UBASH3B: variants seen among roughly 807,000 people sequenced by gnomAD.
The protein encoded by UBASH3B is ubiquitin-associated and SH3 domain-containing protein B.
UBASH3B carries 37 observed loss-of-function variants against 83.4 expected under a neutral mutation model. The ratio of observed to expected loss-of-function variants is 0.44; its 90% CI spans 0.34 to 0.58. The LOEUF is 0.58. Among genes scored for constraint, UBASH3B ranks in the 20% least tolerant of loss-of-function variants. UBASH3B has a pLI of 0.01. For missense variants in UBASH3B, 657 were observed against 827.2 expected (o/e 0.79, Z 2.52); for synonymous variants, 304 against 318.3 (o/e 0.96, Z 0.48).
intron 5 of UBASH3B, among the ~76,000 whole-genome samples, chr11:122,783,556 G>A (rs1860895538): frequency 6.6e-6 from 1 of 152,074 alleles, no homozygotes; most frequent in African/African-American, 2.4e-5. Flanking sequence ...ATAAATTTAT[G>A]GTGTTAATGG....
intron 1 of UBASH3B, among the ~76,000 whole-genome samples, chr11:122,745,599 C>T (rs543015174): frequency 1.6e-4 from 24 of 152,322 alleles, no homozygotes; most frequent in African/African-American, 5.3e-4. Flanking sequence ...ATCAATATGC[C>T]TTTCTTCCTT....
intron 7 of UBASH3B, 132 bp downstream of exon 7, chr11:122,794,966 T>A: frequency 7.7e-7 from 1 of 1,304,140 alleles, no homozygotes; most frequent in Non-Finnish European, 1.1e-6. Context: ...GTACACCAAA[T>A]TATAAAAGAT....
chr11:122,679,991 C>T (rs900191083), intron 1 of UBASH3B, among the ~76,000 whole-genome samples: 5 of 151,980 alleles, frequency 3.3e-5, no homozygotes, highest in Admixed American at 1.3e-4. Flanking sequence ...CCACCACAGC[C>T]GGCTAATTTT....
rs533449306 is a variant in UBASH3B at position 122,803,917 on chromosome 11, G to A, written c.1596-2493G>A. Reference sequence around the variant, plus strand: ...CTGCAGGTGTGGCTAGCAGCATGACGTGACCTGCTGACAAGGGTGAGGAAG... The same window carrying A: ...CTGCAGGTGTGGCTAGCAGCATGACATGACCTGCTGACAAGGGTGAGGAAG... On this transcript the variant is annotated intron_variant, in intron 11 of 13. Transcript: ENST00000284273. Among the ~76,000 whole-genome samples, 21 of 152,080 alleles carry A rather than the reference G, an allele frequency of 1.4e-4. No homozygotes were observed. In the South Asian group the frequency reaches 3.4e-3, roughly 25 times the overall value.
At chr11:122,683,578 C>T (rs59491152) in intron 1 of UBASH3B, among the ~76,000 whole-genome samples, 103,670 of 149,612 alleles carry the variant, frequency 0.69, 39,158 homozygotes, top group Admixed American at 0.83. Flanking sequence ...GCCCTTCAGC[C>T]TGGGGGACAG....
chr11:122,755,399 C>T (rs945022181), intron 1 of UBASH3B, among the ~76,000 whole-genome samples: 1 of 152,064 alleles, frequency 6.6e-6, no homozygotes, highest in African/African-American at 2.4e-5. Context: ...TTTCTTCTAT[C>T]TTATGGAAAG....
intron 1 of UBASH3B, among the ~76,000 whole-genome samples, chr11:122,714,948 G>C (rs1465992966): frequency 6.6e-6 from 1 of 152,120 alleles, no homozygotes; most frequent in East Asian, 1.9e-4. Flanking sequence ...TTTTGTTGTT[G>C]TTCTTGTTGT....
intron 1 of UBASH3B, among the ~76,000 whole-genome samples, chr11:122,675,304 G>C (rs1258137581): frequency 6.6e-6 from 1 of 152,236 alleles, no homozygotes; most frequent in South Asian, 2.1e-4. Context: ...TGTGTTTAGA[G>C]ACCACATTGC....
chr11:122,692,520 G>C (rs576531576), intron 1 of UBASH3B, among the ~76,000 whole-genome samples: 64 of 152,304 alleles, frequency 4.2e-4, no homozygotes, highest in African/African-American at 1.5e-3. Context: ...TGATATTCAG[G>C]GGGTATGGTG....
intron 1 of UBASH3B, among the ~76,000 whole-genome samples, chr11:122,723,843 G>A (rs1445119358): frequency 4.6e-5 from 7 of 152,236 alleles, no homozygotes; most frequent in Non-Finnish European, 8.8e-5. Flanking sequence ...GGTGGCCCTG[G>A]GGGTGGCTAT....
chr11:122,680,236 G>C (rs1050018492), intron 1 of UBASH3B, among the ~76,000 whole-genome samples: 2 of 152,198 alleles, frequency 1.3e-5, no homozygotes, highest in African/African-American at 4.8e-5. Context: ...GCTGGCTCTT[G>C]ATCTGTGGGT....
At position 122,788,528 on chromosome 11, in the gene UBASH3B, C is replaced by T. The variant is rs141866872; in HGVS notation, c.772-572C>T. 1.9e-4 allele frequency among the ~76,000 whole-genome samples: 29 copies of T among 152,236 alleles called. 1 individual carries two copies. In the East Asian group the frequency reaches 5.4e-3, roughly 28 times the overall value. On this transcript the variant is annotated intron_variant, in intron 5 of 13. Transcript: ENST00000284273. ...AGGCTACAGTGTGCTGAGATCATGC[C>T]ATTGCACTCCAGCCTGGGCAACAAG...
chr11:122,774,951 A>G (rs1860708008), intron 1 of UBASH3B, among the ~76,000 whole-genome samples: 1 of 152,078 alleles, frequency 6.6e-6, no homozygotes. Flanking sequence ...CCCTCAGACC[A>G]GGTTAGATCT....
intron 1 of UBASH3B, among the ~76,000 whole-genome samples, chr11:122,722,000 C>A (rs1275937710): frequency 6.6e-6 from 1 of 152,216 alleles, no homozygotes; most frequent in Non-Finnish European, 1.5e-5. Context: ...ATGTTCATAT[C>A]TGTGGTATAA....
chr11:122,694,077 T>G (rs1863930569), intron 1 of UBASH3B, among the ~76,000 whole-genome samples: 1 of 152,176 alleles, frequency 6.6e-6, no homozygotes, highest in East Asian at 1.9e-4. Flanking sequence ...TTGGGTGATA[T>G]GTAGACGTGA....
intron 1 of UBASH3B, among the ~76,000 whole-genome samples, chr11:122,739,475 A>G (rs1860990117): frequency 6.6e-6 from 1 of 152,208 alleles, no homozygotes; most frequent in African/African-American, 2.4e-5. Flanking sequence ...TGCATTTTCT[A>G]TCAAGTACCT....
At chr11:122,732,482 C>T (rs1300825910) in intron 1 of UBASH3B, among the ~76,000 whole-genome samples, 3 of 152,184 alleles carry the variant, frequency 2.0e-5, no homozygotes, top group African/African-American at 4.8e-5. Context: ...AGGCCCTGCA[C>T]GTTGTAAGTC....
At chr11:122,657,394 T>G (rs1463488820) in intron 1 of UBASH3B, among the ~76,000 whole-genome samples, 1 of 152,164 alleles carries the variant, frequency 6.6e-6, no homozygotes, top group Non-Finnish European at 1.5e-5. Context: ...GTTCAAGCGA[T>G]TCTCCCACCT....
chr11:122,779,882 G>A (rs560775827), intron 4 of UBASH3B, among the ~76,000 whole-genome samples, 187 bp downstream of exon 4: 14 of 152,122 alleles, frequency 9.2e-5, no homozygotes, highest in South Asian at 6.2e-4. Flanking sequence ...TTGTAAAAAC[G>A]TTCAACCCCT....
Sources: gnomAD v4.1 joint callset for allele counts (sites outside exome capture counted in the v4.1 genomes callset) on GRCh38, gnomAD v4.1.1 for gene constraint, MANE v1.5 for transcripts, NCBI Gene and HGNC (gene_info 2026-07-23, HGNC 2026-07-21) for gene names.